The following SMURF2 variants were observed in gnomAD, a reference collection of about 807,000 sequenced individuals.
SMURF2 encodes the protein E3 ubiquitin-protein ligase SMURF2.
SMURF2 carries 48 observed loss-of-function variants against 109.6 expected under a neutral mutation model. That is an observed-to-expected ratio of 0.44 (90% CI 0.35 to 0.56). The LOEUF is 0.56. SMURF2 is among the 20% of genes least tolerant of loss of function. The pLI is 0.01. For synonymous variants in SMURF2, 288 were observed against 317.1 expected (o/e 0.91, Z 0.97); for missense variants, 575 against 909.0 (o/e 0.63, Z 4.72).
chr17:64,637,558 C>CATT (rs782571600), intron 1 of SMURF2, among the ~76,000 whole-genome samples: 67 of 151,776 alleles, frequency 4.4e-4, no homozygotes, highest in Middle Eastern at 6.9e-3. Context: ...TGGTCCAACA[C>CATT]ATTATTATTA....
chr17:64,589,026 C>T (rs534967825), intron 5 of SMURF2, among the ~76,000 whole-genome samples: 235 of 152,214 alleles, frequency 1.5e-3, no homozygotes, highest in African/African-American at 5.3e-3. Context: ...TCATTCTGAA[C>T]GAACTGGAAC....
At chr17:64,562,606 G>A (rs1370680120) in intron 11 of SMURF2, among the ~76,000 whole-genome samples, 165 bp downstream of exon 11, 4 of 151,880 alleles carry the variant, frequency 2.6e-5, no homozygotes, top group Admixed American at 6.6e-5. Context: ...CTCGAGCTGC[G>A]ACCTCAGGTG....
chr17:64,650,909 T>C (rs1970628079), intron 1 of SMURF2, among the ~76,000 whole-genome samples: 3 of 133,744 alleles, frequency 2.2e-5, no homozygotes, highest in Admixed American at 1.4e-4. Context: ...TGCACGGTGG[T>C]TAAAAAAAAA....
At position 64,584,361 on chromosome 17, in the gene SMURF2, C is replaced by CTTTTTTTTTTTTTTTTTTT. The variant is rs372682588; in HGVS notation, c.486-818_486-817insAAAAAAAAAAAAAAAAAAA. On this transcript the variant is annotated intron_variant, in intron 6 of 18. Coordinates refer to ENST00000262435, the MANE Select transcript of SMURF2 (RefSeq NM_022739.4). Reference sequence around the variant, plus strand: ...CGAAACAGCTACTTTCTTTTTTTTTCTTTTTTTTTTTTTTTTGAGACAGAG... The same window carrying CTTTTTTTTTTTTTTTTTTT: ...CGAAACAGCTACTTTCTTTTTTTTTCTTTTTTTTTTTTTTTTTTTTTTTTTTTTTTTTTTTGAGACAGAG... 1.0e-3 allele frequency among the ~76,000 whole-genome samples: 117 copies of CTTTTTTTTTTTTTTTTTTT among 112,752 alleles called. 2 individuals carry two copies. The highest frequency in any genetic ancestry group is 3.1e-3 in the African/African-American group (82 of 26,828). 74.0% of individuals were successfully genotyped at this position (112,752 alleles called of 152,430 possible). A position where few individuals can be genotyped will look rare whatever the true frequency, so the allele number is the denominator to read the frequency against.
chr17:64,659,039 A>G (rs1407953376), intron 1 of SMURF2, among the ~76,000 whole-genome samples: 1 of 152,188 alleles, frequency 6.6e-6, no homozygotes, highest in Non-Finnish European at 1.5e-5. Context: ...GACAAATACC[A>G]AACAGTTCAC....
chr17:64,615,241 C>T (rs1404485320), intron 1 of SMURF2, among the ~76,000 whole-genome samples: 1 of 152,012 alleles, frequency 6.6e-6, no homozygotes, highest in African/African-American at 2.4e-5. Flanking sequence ...AATTACACTG[C>T]TGATTGGAAT....
intron 1 of SMURF2, among the ~76,000 whole-genome samples, chr17:64,619,677 T>A (rs768869820): frequency 2.3e-4 from 35 of 151,950 alleles, no homozygotes; most frequent in Non-Finnish European, 4.3e-4. Flanking sequence ...GTTTGCATAC[T>A]CCCACCTTCT....
Position 64,545,335 on chromosome 17 carries a change from A to T in SMURF2, c.*513T>A, listed in dbSNP as rs1968931768. On this transcript the variant is annotated 3_prime_UTR_variant, in exon 19 of 19. Transcript: ENST00000262435. ...TTAATTTCTTAAAGATGATTCTTTT[A>T]GCCAATTGTTTACAAAGGTAGAATA... is the stretch of plus-strand genomic sequence containing the variant. The T allele has an allele frequency of 1.3e-5, 2 of 152,686 alleles. No homozygotes were observed. Among genetic ancestry groups the T allele is most frequent in the Non-Finnish European group, 2.9e-5 (2 of 68,054 alleles). The allele number at this position is 152,686 out of a possible 1,614,324, so 9.5% of individuals were successfully genotyped here.
chr17:64,593,885 G>T (rs1555687888), intron 3 of SMURF2: 2 of 175,146 alleles, frequency 1.1e-5, no homozygotes, highest in African/African-American at 4.7e-5. Flanking sequence ...GCAAGAAAAA[G>T]AATCTTAAAA....
rs954908003 is a variant in SMURF2 at position 64,547,411 on chromosome 17, C to T, written c.2071+189G>A. On this transcript the variant is annotated intron_variant, in intron 17 of 18. Coordinates refer to ENST00000262435, the MANE Select transcript of SMURF2 (RefSeq NM_022739.4). This position sits in a 1 kb window ranked among gnomAD's most constrained non-coding sequence, Gnocchi z 4.2. ...GGCACTCACTACAATCAGAGAAGCC[C>T]GCAGAAAAGGCTCTTGGGAAGGGAA... Among the ~76,000 whole-genome samples the T allele has an allele frequency of 3.3e-5, 5 of 151,972 alleles. No individual in the cohort carries two copies. Among genetic ancestry groups the T allele is most frequent in the South Asian group, 2.1e-4 (1 of 4,824 alleles).
chr17:64,601,729 C>T (rs1364719302), intron 2 of SMURF2, among the ~76,000 whole-genome samples: 1 of 151,816 alleles, frequency 6.6e-6, no homozygotes, highest in South Asian at 2.1e-4. Flanking sequence ...AGTCATTATA[C>T]GAAAAAGATA....
At chr17:64,565,953 C>T (rs1470075672) in intron 10 of SMURF2, among the ~76,000 whole-genome samples, 1 of 151,390 alleles carries the variant, frequency 6.6e-6, no homozygotes, top group Non-Finnish European at 1.5e-5. Flanking sequence ...CAATGTTTTG[C>T]AATATAATTT....
intron 5 of SMURF2, among the ~76,000 whole-genome samples, chr17:64,586,975 C>G (rs1276773976): frequency 4.0e-5 from 6 of 151,848 alleles, no homozygotes; most frequent in Admixed American, 2.0e-4. Context: ...ACTAGCCTGG[C>G]AAACATGGTG....
chr17:64,656,261 CAAAT>C (rs1314814570), intron 1 of SMURF2, among the ~76,000 whole-genome samples: 4 of 152,082 alleles, frequency 2.6e-5, no homozygotes, highest in Non-Finnish European at 5.9e-5. Context: ...TATTAAAAGA[CAAAT>C]AATTCATCAT....
chr17:64,583,379 T>C lies in SMURF2; in HGVS notation c.569+82A>G. The C allele has an allele frequency of 1.1e-5, 13 of 1,150,300 alleles. No homozygotes were observed. In the South Asian group the frequency reaches 1.7e-4, roughly 15 times the overall value. 71.3% of individuals were successfully genotyped at this position (1,150,300 alleles called of 1,614,324 possible). On this transcript the variant is annotated intron_variant, in intron 7 of 18. Transcript: ENST00000262435. ...ACAGCAAAAACCAAGAAAAAAAATC[T>C]AGTAAAGCTGACAGATAAATAGAAA...
intron 1 of SMURF2, among the ~76,000 whole-genome samples, chr17:64,658,851 T>C (rs763386435): frequency 2.8e-4 from 42 of 152,328 alleles, no homozygotes; most frequent in Admixed American, 6.5e-4. Context: ...ATCAATGTTA[T>C]AGAAACAGTA....
At chr17:64,656,476 T>C (rs937690526) in intron 1 of SMURF2, among the ~76,000 whole-genome samples, 1 of 152,168 alleles carries the variant, frequency 6.6e-6, no homozygotes, top group African/African-American at 2.4e-5. Context: ...TAGCAAAAAA[T>C]GTAAAATGCA....
chr17:64,612,437 G>A (rs542801314), intron 1 of SMURF2, among the ~76,000 whole-genome samples: 1 of 151,942 alleles, frequency 6.6e-6, no homozygotes, highest in Admixed American at 6.6e-5. Context: ...GGAGGCCAAG[G>A]CGGGCAGATC....
intron 1 of SMURF2, among the ~76,000 whole-genome samples, chr17:64,626,792 C>G (rs1342442874): frequency 6.6e-6 from 1 of 151,888 alleles, no homozygotes; most frequent in Non-Finnish European, 1.5e-5. Context: ...ACAAAACTTA[C>G]CTGAACACAA....
Sources: allele counts gnomAD v4.1 joint callset (sites outside exome capture counted in the v4.1 genomes callset), GRCh38; gene constraint gnomAD v4.1.1; non-coding constraint Gnocchi (gnomAD v3.1); transcripts MANE v1.5; gene names NCBI Gene and HGNC (gene_info 2026-07-23, HGNC 2026-07-21).